Variants in DPYSL2 observed in about 807,000 individuals in gnomAD.
The protein encoded by DPYSL2 is dihydropyrimidinase-related protein 2.
DPYSL2 carries 13 observed loss-of-function variants against 69.9 expected under a neutral mutation model. The ratio of observed to expected loss-of-function variants is 0.19; its 90% CI spans 0.12 to 0.30. The LOEUF (loss-of-function observed/expected upper bound fraction) is 0.30. Ranked by LOEUF, DPYSL2 falls within the 10% of genes least tolerant of loss-of-function variation. The probability of loss-of-function intolerance (pLI) is 1.00; values close to 1 mark genes in which losing one functional copy is unlikely to be tolerated. For missense variants in DPYSL2, 587 were observed against 918.9 expected, an observed-to-expected ratio of 0.64 and a Z score of 4.67; for synonymous variants, 326 against 359.1, an observed-to-expected ratio of 0.91 and a Z score of 1.04.
At position 26,605,059 on chromosome 8, in the gene DPYSL2, A is replaced by G. The variant is rs945488979; in HGVS notation, c.629-19084A>G. ...GTTTCTCAAAGGCGTTATGTTCTGC[A>G]TTGTAAATGTGCGGAAATCAGTCAC... On this transcript the variant is annotated intron_variant, in intron 3 of 13. Transcript: ENST00000521913. This position sits in a 1 kb window ranked among gnomAD's most constrained non-coding sequence, Gnocchi z 4.1. Among the ~76,000 whole-genome samples the G allele has an allele frequency of 1.3e-5, 2 of 152,134 alleles. No individual in the cohort carries two copies. The highest frequency in any genetic ancestry group is 4.8e-5 in the African/African-American group (2 of 41,444).
intron 1 of DPYSL2, chr8:26,547,697 C>A: frequency 5.4e-6 from 1 of 183,566 alleles, no homozygotes; most frequent in Non-Finnish European, 1.2e-5. Context: ...AGATGTAGCA[C>A]CTGGAGCAGC....
chr8:26,634,661 A>G (rs1365592624), intron 7 of DPYSL2, 119 bp from the exon 8 acceptor site: 15 of 1,541,550 alleles, frequency 9.7e-6, no homozygotes. Context: ...CCCCTGGGGT[A>G]GGACCTTGGA....
intron 3 of DPYSL2, among the ~76,000 whole-genome samples, chr8:26,613,669 G>A (rs760484208): frequency 2.0e-5 from 3 of 152,238 alleles, no homozygotes; most frequent in Non-Finnish European, 4.4e-5. Context: ...CCAGGAAGGA[G>A]GAGAGAGGAA....
In DPYSL2 at chr8:26,621,400, G is replaced by A. The variant is rs1802479123; in HGVS notation, c.629-2743G>A. Among the ~76,000 whole-genome samples, 1 of 152,192 alleles carries A rather than the reference G, an allele frequency of 6.6e-6. No individual in the cohort carries two copies. The highest frequency in any genetic ancestry group is 2.1e-4 in the South Asian group (1 of 4,830). On this transcript the variant is annotated intron_variant, in intron 3 of 13. Transcript: ENST00000521913. The surrounding 1 kb of genome is among the most constrained non-coding windows in gnomAD (Gnocchi z 4.9). ...GTCTGGCAGAGCAGTGTTGAGGGGA[G>A]GGGTCTTTGCCGCAGCAAAAGCTGG...
rs1038218556 is a variant in DPYSL2, at chr8:26,617,013, A to T, written c.629-7130A>T. ...CTGTGGTACCTGCTCAACTGCTTCA[A>T]TTCCAGAACTGGAACTGCAGGGAAG... On this transcript the variant is annotated intron_variant, in intron 3 of 13. Coordinates refer to ENST00000521913, the MANE Select transcript of DPYSL2 (RefSeq NM_001197293.3). The surrounding 1 kb of genome is among the most constrained non-coding windows in gnomAD (Gnocchi z 4.7). Among the ~76,000 whole-genome samples the T allele has an allele frequency of 1.3e-5, 2 of 152,192 alleles. No individual in the cohort carries two copies. The highest frequency in any genetic ancestry group is 2.9e-5 in the Non-Finnish European group (2 of 68,044).
Position 26,582,812 on chromosome 8 carries a change from C to G in DPYSL2, c.443+755C>G, listed in dbSNP as rs1167065820. Reference sequence around the variant, plus strand: ...TGACAGCTTTTAAATAAGCAGCATTCATCAAGGGATAGCTGTAAACCGGTC... The same window carrying G: ...TGACAGCTTTTAAATAAGCAGCATTGATCAAGGGATAGCTGTAAACCGGTC... On this transcript the variant is annotated intron_variant, in intron 2 of 13. Coordinates refer to ENST00000521913, the MANE Select transcript of DPYSL2 (RefSeq NM_001197293.3). The surrounding 1 kb of genome is among the most constrained non-coding windows in gnomAD (Gnocchi z 4.1). Among the ~76,000 whole-genome samples the G allele has an allele frequency of 6.6e-6, 1 of 152,192 alleles. No individual in the cohort carries two copies. The highest frequency in any genetic ancestry group is 1.5e-5 in the Non-Finnish European group (1 of 68,046).
rs1309635272 is a variant in DPYSL2, at chr8:26,605,422, C to T, written c.629-18721C>T. 2.6e-5 allele frequency among the ~76,000 whole-genome samples: 4 copies of T among 151,942 alleles called. No homozygotes were observed. The South Asian group carries it at 8.3e-4, about 32-fold the overall frequency. ...TGCCTCAGCCTCTCAAGTAGAGTAG[C>T]CAGGATTACATGCACCCACTACCAC... On this transcript the variant is annotated intron_variant, in intron 3 of 13. Coordinates refer to ENST00000521913, the MANE Select transcript of DPYSL2 (RefSeq NM_001197293.3). The surrounding 1 kb of genome is among the most constrained non-coding windows in gnomAD (Gnocchi z 4.1).
Position 26,617,100 on chromosome 8 carries a change from G to A in DPYSL2, c.629-7043G>A, listed in dbSNP as rs1208047119. Among the ~76,000 whole-genome samples the A allele has an allele frequency of 6.6e-6, 1 of 152,156 alleles. No homozygotes were observed. The highest frequency in any genetic ancestry group is 1.5e-5 in the Non-Finnish European group (1 of 68,030). On this transcript the variant is annotated intron_variant, in intron 3 of 13. Transcript: ENST00000521913. The surrounding 1 kb of genome is among the most constrained non-coding windows in gnomAD (Gnocchi z 4.7). ...CCCTTGAGACCTTGTCAGAAATACT[G>A]CCAGCCTAGCCCTTTAAAAACTCAT...
chr8:26,598,689 G>C lies in DPYSL2; in HGVS notation c.628+14706G>C, dbSNP rs1802232649. 6.6e-6 allele frequency among the ~76,000 whole-genome samples: 1 copy of C among 152,200 alleles called. No homozygotes were observed. Among genetic ancestry groups the C allele is most frequent in the Non-Finnish European group, 1.5e-5 (1 of 68,032 alleles). On this transcript the variant is annotated intron_variant, in intron 3 of 13. Transcript: ENST00000521913. The surrounding 1 kb of genome is among the most constrained non-coding windows in gnomAD (Gnocchi z 4.2). ...GAAATAAAGATTGGCTCGCAGGGCA[G>C]GTTGAAGCTTCAACACCAAAATCTC...
In DPYSL2 at chr8:26,648,231, G is replaced by A. The variant is rs1803212624; in HGVS notation, c.1596+431G>A. Among the ~76,000 whole-genome samples the A allele has an allele frequency of 6.6e-6, 1 of 152,126 alleles. No individual in the cohort carries two copies. Among genetic ancestry groups the A allele is most frequent in the South Asian group, 2.1e-4 (1 of 4,834 alleles). On this transcript the variant is annotated intron_variant, in intron 11 of 13. Coordinates refer to ENST00000521913, the MANE Select transcript of DPYSL2 (RefSeq NM_001197293.3). This position sits in a 1 kb window ranked among gnomAD's most constrained non-coding sequence, Gnocchi z 4.3. ...TCCTCTTAAGCCATTGTTTTCTCAGGCCAGTATCCATGCAGAAAACTGGAT... is the reference window on the plus strand; with the variant it reads ...TCCTCTTAAGCCATTGTTTTCTCAGACCAGTATCCATGCAGAAAACTGGAT...
In DPYSL2 at chr8:26,647,048, A is replaced by G. The variant is rs924594398; in HGVS notation, c.1426-582A>G. Among the ~76,000 whole-genome samples the G allele has an allele frequency of 6.6e-6, 1 of 152,124 alleles. No homozygotes were observed. The highest frequency in any genetic ancestry group is 1.5e-5 in the Non-Finnish European group (1 of 68,026). On this transcript the variant is annotated intron_variant, in intron 10 of 13. Coordinates refer to ENST00000521913, the MANE Select transcript of DPYSL2 (RefSeq NM_001197293.3). This position sits in a 1 kb window ranked among gnomAD's most constrained non-coding sequence, Gnocchi z 5.1. Reference sequence around the variant, plus strand: ...TGTATTTTGTTGAAAAGGACAGCCAATTGGGCCAAATGATATTTCCTAAAG... The same window carrying G: ...TGTATTTTGTTGAAAAGGACAGCCAGTTGGGCCAAATGATATTTCCTAAAG...
At chr8:26,535,979 T>C (rs1343955447) in intron 1 of DPYSL2, among the ~76,000 whole-genome samples, 1 of 150,924 alleles carries the variant, frequency 6.6e-6, no homozygotes, top group Non-Finnish European at 1.5e-5. Context: ...TGGAGTGCAG[T>C]GGTGTGATCA....
Position 26,583,844 on chromosome 8 carries a change from C to T in DPYSL2, c.489C>T (p.Ile163=), listed in dbSNP as rs374040535. Residue 163 remains isoleucine (I), a synonymous_variant, in exon 3 of 14, where the codon ATC becomes ATT. Transcript: ENST00000521913. ...NLIVPGGVKT[I]EAHSRMVIPG... ...TTGTGCCAGGAGGAGTGAAGACCAT[C>T]GAGGCCCACTCCCGGATGGTGATCC... is the stretch of plus-strand genomic sequence containing the variant. The T allele has an allele frequency of 1.2e-5, 20 of 1,613,904 alleles. No individual in the cohort carries two copies. The African/African-American group carries it at 1.5e-4, about 12-fold the overall frequency.
Position 26,553,324 on chromosome 8 carries a change from A to T in DPYSL2, c.355-28645A>T, listed in dbSNP as rs111279917. ...TGTTGTACAGATTATTTCATCACCCAGGTACTAAGCCTAGTACCCAATACT... is the reference window on the plus strand; with the variant it reads ...TGTTGTACAGATTATTTCATCACCCTGGTACTAAGCCTAGTACCCAATACT... On this transcript the variant is annotated intron_variant, in intron 1 of 13. Transcript: ENST00000521913. Among the ~76,000 whole-genome samples the T allele has an allele frequency of 2.1e-3, 323 of 151,708 alleles. 4 individuals carry two copies. The highest frequency in any genetic ancestry group is 7.5e-3 in the African/African-American group (308 of 41,336).
At chr8:26,567,364 C>CCATCCATCCATT (rs1801169477) in intron 1 of DPYSL2, among the ~76,000 whole-genome samples, 1 of 151,962 alleles carries the variant, frequency 6.6e-6, no homozygotes, top group African/African-American at 2.4e-5. Context: ...GCCCATCCAT[C>CCATCCATCCATT]CATCCATCTG....
At chr8:26,577,993 T>TTCTCTC (rs756432252) in intron 1 of DPYSL2, 386 of 1,204,184 alleles carry the variant, frequency 3.2e-4, no homozygotes, top group South Asian at 2.2e-3. Flanking sequence ...CTCTCTCTCC[T>TTCTCTC]TCTCTCTCTC....
At chr8:26,548,251 G>T in intron 1 of DPYSL2, 1 of 201,700 alleles carries the variant, frequency 5.0e-6, no homozygotes, top group Non-Finnish European at 1.0e-5. Flanking sequence ...TTATTACCAG[G>T]CCTTGGTGCA....
chr8:26,600,315 AT>A (rs1012618904), intron 3 of DPYSL2, among the ~76,000 whole-genome samples: 3 of 148,676 alleles, frequency 2.0e-5, no homozygotes, highest in Admixed American at 6.7e-5. Context: ...TCTATGTTTA[AT>A]TTTTTTTTTG....
rs1474465582 is a variant in DPYSL2, at chr8:26,517,030, T to C, written c.354+2351T>C. Among the ~76,000 whole-genome samples, 2 of 152,222 alleles carry C rather than the reference T, an allele frequency of 1.3e-5. No individual in the cohort carries two copies. Among genetic ancestry groups the C allele is most frequent in the Non-Finnish European group, 2.9e-5 (2 of 68,038 alleles). On this transcript the variant is annotated intron_variant, in intron 1 of 13. Transcript: ENST00000521913. The surrounding 1 kb of genome is among the most constrained non-coding windows in gnomAD (Gnocchi z 4.2). ...AATGAGTTGGGTGAGTGCCAGCATC[T>C]CTGTGCATTCTAATTGGAAGCCCTG...
Sources: allele counts gnomAD v4.1 joint callset (sites outside exome capture counted in the v4.1 genomes callset), GRCh38; gene constraint gnomAD v4.1.1; non-coding constraint Gnocchi (gnomAD v3.1); transcripts MANE v1.5; gene names NCBI Gene and HGNC (gene_info 2026-07-23, HGNC 2026-07-21).